Variants in PAWR observed in about 807,000 individuals in gnomAD.
PAWR encodes PRKC apoptosis WT1 regulator protein.
A neutral mutation model predicts 32.0 loss-of-function variants in PAWR; 23 were observed. The observed-to-expected ratio is 0.72, with a 90% confidence interval of 0.52 to 1.02. The LOEUF (loss-of-function observed/expected upper bound fraction) is 1.02, where lower values mean the gene tolerates loss of function less well. PAWR is among the 50% of genes least tolerant of loss of function. The probability of loss-of-function intolerance (pLI) is 0.00; values close to 1 mark genes in which losing one functional copy is unlikely to be tolerated. For missense variants in PAWR, 457 were observed against 437.7 expected, an observed-to-expected ratio of 1.04 and a Z score of -0.39; for synonymous variants, 226 against 187.1, an observed-to-expected ratio of 1.21 and a Z score of -1.70.
At position 79,627,472 on chromosome 12, in the gene PAWR, T is replaced by C. The variant is rs1257435740; in HGVS notation, c.517-6265A>G. On this transcript the variant is annotated intron_variant, in intron 2 of 6. Coordinates refer to ENST00000328827, the MANE Select transcript of PAWR (RefSeq NM_002583.4). ...TTCTTGTAAATTTGTTTGAGTTCAT[T>C]GTAGGTTCTGGATATTAGCCCTTTG... 7.9e-5 allele frequency among the ~76,000 whole-genome samples: 12 copies of C among 152,336 alleles called. No individual in the cohort carries two copies. In the East Asian group the frequency reaches 2.3e-3, roughly 29 times the overall value.
At chr12:79,626,162 T>TAAAAAAAAAAAAAAAAAAAAAAAAAAAAA (rs1566007978) in intron 2 of PAWR, among the ~76,000 whole-genome samples, 1 of 41,858 alleles carries the variant, frequency 2.4e-5, no homozygotes, top group African/African-American at 1.5e-4. Flanking sequence ...AGACTCCATC[T>TAAAAAAAAAAAAAAAAAAAAAAAAAAAAA]TAAAAAAAAA....
chr12:79,686,431 T>C (rs1451954031), intron 2 of PAWR, among the ~76,000 whole-genome samples: 2 of 152,198 alleles, frequency 1.3e-5, no homozygotes, highest in African/African-American at 4.8e-5. Context: ...ATACCCAGAC[T>C]GCAGTCCAAC....
At chr12:79,619,087 T>C (rs1874881696) in intron 3 of PAWR, among the ~76,000 whole-genome samples, 1 of 151,972 alleles carries the variant, frequency 6.6e-6, no homozygotes, top group Non-Finnish European at 1.5e-5. Context: ...TAAATTAAAA[T>C]ATTAAATAGA....
intron 2 of PAWR, among the ~76,000 whole-genome samples, chr12:79,674,998 G>T (rs1243545886): frequency 6.6e-6 from 1 of 152,160 alleles, no homozygotes; most frequent in Non-Finnish European, 1.5e-5. Context: ...AAAGCAGTTT[G>T]GAGATTTCTC....
chr12:79,676,594 T>C (rs950773604), intron 2 of PAWR, among the ~76,000 whole-genome samples: 1 of 152,190 alleles, frequency 6.6e-6, no homozygotes, highest in African/African-American at 2.4e-5. Context: ...TACAGCCTGA[T>C]AGTTGATCTT....
At chr12:79,600,307 A>T (rs2136678769) in intron 4 of PAWR, among the ~76,000 whole-genome samples, 1 of 152,326 alleles carries the variant, frequency 6.6e-6, no homozygotes, top group African/African-American at 2.4e-5. Flanking sequence ...ACTTATAAAT[A>T]ATACAAATTT....
chr12:79,687,354 T>C (rs576546896), intron 2 of PAWR, among the ~76,000 whole-genome samples: 1 of 152,292 alleles, frequency 6.6e-6, no homozygotes, highest in Admixed American at 6.5e-5. Context: ...AGTGAGGTAA[T>C]GAAAGTCACA....
At chr12:79,667,567 T>G (rs1403136675) in intron 2 of PAWR, among the ~76,000 whole-genome samples, 1 of 152,170 alleles carries the variant, frequency 6.6e-6, no homozygotes, top group African/African-American at 2.4e-5. Context: ...TGCAAGCAAC[T>G]ATAATGTATA....
intron 6 of PAWR, 147 bp from the exon 7 acceptor site, chr12:79,592,840 C>A (rs1873604580): frequency 3.8e-6 from 2 of 523,658 alleles, no homozygotes; most frequent in Admixed American, 4.0e-5. Context: ...TGTAATATGC[C>A]CCACCAAAAA....
chr12:79,672,445 C>T (rs995399312), intron 2 of PAWR, among the ~76,000 whole-genome samples: 10 of 152,080 alleles, frequency 6.6e-5, no homozygotes, highest in East Asian at 1.9e-4. Flanking sequence ...CAATCTCTTC[C>T]GATTCTCCTA....
rs186020352 is a variant in PAWR at position 79,589,411 on chromosome 12, G to A, written c.*3196C>T. 51 of 151,634 alleles carry A rather than the reference G, an allele frequency of 3.4e-4. No homozygotes were observed. Among genetic ancestry groups the A allele is most frequent in the African/African-American group, 8.0e-4 (33 of 41,380 alleles). 9.4% of individuals were successfully genotyped at this position (151,634 alleles called of 1,614,324 possible). A position where few individuals can be genotyped will look rare whatever the true frequency, so the allele number is the denominator to read the frequency against. On this transcript the variant is annotated 3_prime_UTR_variant, in exon 7 of 7. Coordinates refer to ENST00000328827, the MANE Select transcript of PAWR (RefSeq NM_002583.4). ...CAAAAAACACAAACCACATGTAACCGAGGTAGGTTTTTCACCTTAAGAATA... is the reference window on the plus strand; with the variant it reads ...CAAAAAACACAAACCACATGTAACCAAGGTAGGTTTTTCACCTTAAGAATA...
At position 79,588,089 on chromosome 12, in the gene PAWR, C is replaced by T. The variant is rs905571846; in HGVS notation, c.*4518G>A. On this transcript the variant is annotated 3_prime_UTR_variant, in exon 7 of 7. Coordinates refer to ENST00000328827, the MANE Select transcript of PAWR (RefSeq NM_002583.4). ...AGAATAAAAACCCTGAATAGCATAGCCAAATCTTCCAAGAAATAAGTTCAC... is the reference window on the plus strand; with the variant it reads ...AGAATAAAAACCCTGAATAGCATAGTCAAATCTTCCAAGAAATAAGTTCAC... 1 of 151,882 alleles carries T rather than the reference C, an allele frequency of 6.6e-6. No individual in the cohort carries two copies. Among genetic ancestry groups the T allele is most frequent in the African/African-American group, 2.4e-5 (1 of 41,396 alleles). The allele number at this position is 151,882 out of a possible 1,614,324, so 9.4% of individuals were successfully genotyped here.
intron 2 of PAWR, among the ~76,000 whole-genome samples, chr12:79,639,360 T>C (rs1393568926): frequency 6.6e-6 from 1 of 152,168 alleles, no homozygotes. Flanking sequence ...AGCCAACATA[T>C]TTTCCTAGTA....
At chr12:79,647,616 T>G (rs1876637782) in intron 2 of PAWR, among the ~76,000 whole-genome samples, 1 of 152,222 alleles carries the variant, frequency 6.6e-6, no homozygotes, top group East Asian at 1.9e-4. Flanking sequence ...TTGTTTGAAC[T>G]TCTACTACAT....
chr12:79,647,667 C>T (rs896686903), intron 2 of PAWR, among the ~76,000 whole-genome samples: 1 of 152,184 alleles, frequency 6.6e-6, no homozygotes, highest in African/African-American at 2.4e-5. Context: ...AGTCTTTATG[C>T]ATATCTGCCT....
chr12:79,595,620 G>A (rs1873722064), intron 5 of PAWR, among the ~76,000 whole-genome samples: 1 of 152,210 alleles, frequency 6.6e-6, no homozygotes, highest in African/African-American at 2.4e-5. Flanking sequence ...GCCGAGGCGG[G>A]TGGATCACCT....
intron 2 of PAWR, among the ~76,000 whole-genome samples, chr12:79,666,500 A>G (rs191823007): frequency 1.3e-5 from 2 of 152,330 alleles, no homozygotes; most frequent in East Asian, 3.9e-4. Flanking sequence ...TAGAATGCTA[A>G]AATCTTACTT....
intron 2 of PAWR, among the ~76,000 whole-genome samples, chr12:79,664,120 T>C (rs1180872338): frequency 6.6e-6 from 1 of 152,196 alleles, no homozygotes; most frequent in Non-Finnish European, 1.5e-5. Context: ...TGTGGGATTA[T>C]TTATCACTAT....
intron 2 of PAWR, among the ~76,000 whole-genome samples, chr12:79,678,730 T>C (rs1288704574): frequency 6.6e-6 from 1 of 152,262 alleles, no homozygotes; most frequent in Non-Finnish European, 1.5e-5. Context: ...CACGTGCTAT[T>C]TGCTCTACCT....
Sources: gnomAD v4.1 joint callset for allele counts (sites outside exome capture counted in the v4.1 genomes callset) on GRCh38, gnomAD v4.1.1 for gene constraint, MANE v1.5 for transcripts, NCBI Gene and HGNC (gene_info 2026-07-23, HGNC 2026-07-21) for gene names.